The following CTTNBP2 variants were observed in gnomAD, a reference collection of about 807,000 sequenced individuals.
CTTNBP2 encodes the protein cortactin binding protein 2.
Under a neutral mutation model 156.9 loss-of-function variants are expected in CTTNBP2, and 108 were observed. That is an observed-to-expected ratio of 0.69 (90% CI 0.59 to 0.81). The LOEUF is 0.81. Among genes scored for constraint, CTTNBP2 ranks in the 30% least tolerant of loss-of-function variants. The pLI is 0.00. For missense variants in CTTNBP2, 1,924 were observed against 2,035.4 expected, an observed-to-expected ratio of 0.95 and a Z score of 1.05; for synonymous variants, 767 against 751.8, an observed-to-expected ratio of 1.02 and a Z score of -0.33.
chr7:117,810,735 G>A (rs1343459657), intron 3 of CTTNBP2, 30 bp downstream of exon 3: 11 of 1,560,454 alleles, frequency 7.0e-6, no homozygotes, highest in Admixed American at 3.3e-5. Flanking sequence ...CCATGTTGTG[G>A]GGAAAATGAC....
intron 2 of CTTNBP2, among the ~76,000 whole-genome samples, chr7:117,822,883 T>G (rs948974199): frequency 2.0e-5 from 3 of 151,232 alleles, no homozygotes; most frequent in Non-Finnish European, 4.4e-5. Flanking sequence ...ATGTTTTCTA[T>G]GTTTTTACTG....
intron 14 of CTTNBP2, among the ~76,000 whole-genome samples, chr7:117,742,835 G>GAAA: frequency 6.6e-6 from 1 of 152,128 alleles, no homozygotes; most frequent in Non-Finnish European, 1.5e-5. Context: ...CTGGATTTCT[G>GAAA]GCTTCTTCCT....
chr7:117,758,828 C>T (rs1258919629), intron 10 of CTTNBP2, among the ~76,000 whole-genome samples: 1 of 152,170 alleles, frequency 6.6e-6, no homozygotes, highest in African/African-American at 2.4e-5. Context: ...TGCTCTATAC[C>T]TCTGAGACAA....
At position 117,728,270 on chromosome 7, in the gene CTTNBP2, A is replaced by G. The variant is rs566098594; in HGVS notation, c.3877-3T>C. 3.7e-6 allele frequency: 6 copies of G among 1,605,504 alleles called. No homozygotes were observed. Among genetic ancestry groups the G allele is most frequent in the Admixed American group, 1.7e-5 (1 of 58,726 alleles). ...GGGGAGGGCGCCTGACCTTTGAACT[A>G]GAGAGACAGGGAGGTGGAACCCAGG... On this transcript the variant is annotated splice_polypyrimidine_tract_variant and splice_region_variant and intron_variant, in intron 16 of 22. Coordinates refer to ENST00000160373, the MANE Select transcript of CTTNBP2 (RefSeq NM_033427.3).
intron 2 of CTTNBP2, among the ~76,000 whole-genome samples, chr7:117,834,055 TTC>T (rs1408769819): frequency 2.2e-5 from 2 of 91,862 alleles, no homozygotes; most frequent in African/African-American, 3.9e-5. Context: ...TTTTTCTTTC[TTC>T]TTTTTTTTTT....
chr7:117,790,578 T>TCA, intron 4 of CTTNBP2, among the ~76,000 whole-genome samples: 3 of 151,042 alleles, frequency 2.0e-5, no homozygotes, highest in Middle Eastern at 6.8e-3. Flanking sequence ...TTATAAATAT[T>TCA]CACACTCCAT....
At chr7:117,777,367 G>A (rs916014501) in intron 8 of CTTNBP2, 144 bp downstream of exon 8, 1 of 808,942 alleles carries the variant, frequency 1.2e-6, no homozygotes, top group Non-Finnish European at 2.0e-6. Flanking sequence ...TAGGAATAAT[G>A]TCAATTTGTA....
intron 1 of CTTNBP2, chr7:117,872,048 T>C (rs1804646046): frequency 1.2e-6 from 1 of 814,970 alleles, no homozygotes; most frequent in Admixed American, 6.2e-5. Flanking sequence ...AAAGTTCTCA[T>C]TTTCTATGCA....
chr7:117,718,338 T>C (rs928819138), intron 21 of CTTNBP2, among the ~76,000 whole-genome samples: 4 of 151,912 alleles, frequency 2.6e-5, no homozygotes, highest in African/African-American at 9.7e-5. Flanking sequence ...AAGAATCCAC[T>C]TAAAACGTCA....
intron 14 of CTTNBP2, 34 bp downstream of exon 14, chr7:117,745,797 G>A (rs377495371): frequency 1.1e-5 from 15 of 1,389,542 alleles, no homozygotes; most frequent in Non-Finnish European, 1.5e-5. Context: ...CATGCCTTTA[G>A]GTTATCACAG....
chr7:117,733,184 G>A (rs1795499199), intron 16 of CTTNBP2, among the ~76,000 whole-genome samples: 1 of 152,078 alleles, frequency 6.6e-6, no homozygotes, highest in Non-Finnish European at 1.5e-5. Flanking sequence ...GATTTCTGAT[G>A]TTTTGCAGGA....
intron 1 of CTTNBP2, among the ~76,000 whole-genome samples, chr7:117,869,054 T>A (rs1480598000): frequency 2.0e-5 from 3 of 152,214 alleles, no homozygotes; most frequent in African/African-American, 7.2e-5. Context: ...ATTGGAAGGA[T>A]GCAGGATGGT....
At chr7:117,811,492 G>A (rs1039220773) in intron 2 of CTTNBP2, among the ~76,000 whole-genome samples, 1 of 151,998 alleles carries the variant, frequency 6.6e-6, no homozygotes, top group Non-Finnish European at 1.5e-5. Context: ...TAATTAAGAT[G>A]GGATCTCACT....
At chr7:117,744,743 A>G (rs966733988) in intron 14 of CTTNBP2, among the ~76,000 whole-genome samples, 7 of 152,018 alleles carry the variant, frequency 4.6e-5, no homozygotes, top group Non-Finnish European at 7.4e-5. Context: ...ACACACACAC[A>G]CAAATTAGCT....
chr7:117,847,964 A>T (rs1584542460), intron 2 of CTTNBP2, among the ~76,000 whole-genome samples: 1 of 151,428 alleles, frequency 6.6e-6, no homozygotes, highest in Non-Finnish European at 1.5e-5. Flanking sequence ...GATTACAAGC[A>T]TGTGCTGCCA....
At chr7:117,773,603 T>C (rs936593918) in intron 8 of CTTNBP2, among the ~76,000 whole-genome samples, 1 of 142,092 alleles carries the variant, frequency 7.0e-6, no homozygotes, top group African/African-American at 2.6e-5. Flanking sequence ...TCTTAGAAAA[T>C]AGGAGTAGGC....
chr7:117,710,693 C>T lies in CTTNBP2; in HGVS notation c.*844G>A, dbSNP rs560913682. On this transcript the variant is annotated 3_prime_UTR_variant, in exon 23 of 23. Coordinates refer to ENST00000160373, the MANE Select transcript of CTTNBP2 (RefSeq NM_033427.3). ...TTTATTCAGTGTCAAAGCATCTTAA[C>T]TGAATTGTGTAAGTAATTTTGTCTG... The T allele has an allele frequency of 6.6e-6, 1 of 152,600 alleles. No individual in the cohort carries two copies. The highest frequency in any genetic ancestry group is 1.9e-4 in the East Asian group (1 of 5,182). 9.5% of individuals were successfully genotyped at this position (152,600 alleles called of 1,614,324 possible). A position where few individuals can be genotyped will look rare whatever the true frequency, so the allele number is the denominator to read the frequency against.
intron 14 of CTTNBP2, among the ~76,000 whole-genome samples, chr7:117,741,267 C>G (rs996038087): frequency 1.3e-5 from 2 of 152,102 alleles, no homozygotes; most frequent in African/African-American, 4.8e-5. Context: ...TAGGGACTGC[C>G]TAGATATGGG....
chr7:117,867,737 G>A (rs1804297037), intron 1 of CTTNBP2, among the ~76,000 whole-genome samples: 1 of 152,122 alleles, frequency 6.6e-6, no homozygotes, highest in African/African-American at 2.4e-5. Context: ...ACCTAAACTA[G>A]GGAAGCTGCT....
Sources: allele counts gnomAD v4.1 joint callset (sites outside exome capture counted in the v4.1 genomes callset), GRCh38; gene constraint gnomAD v4.1.1; transcripts MANE v1.5; gene names NCBI Gene and HGNC (gene_info 2026-07-23, HGNC 2026-07-21).